The following PRRX1 variants were observed in gnomAD, a reference collection of about 807,000 sequenced individuals.
PRRX1 encodes the protein paired related homeobox 1.
Under a neutral mutation model 24.0 loss-of-function variants are expected in PRRX1, and 8 were observed. The ratio of observed to expected loss-of-function variants is 0.33; its 90% CI spans 0.20 to 0.60. PRRX1 has a LOEUF of 0.60. Ranked by LOEUF, PRRX1 falls within the 20% of genes least tolerant of loss-of-function variation. The probability of loss-of-function intolerance (pLI) is 0.82; values close to 1 mark genes in which losing one functional copy is unlikely to be tolerated. For missense variants in PRRX1, 281 were observed against 322.4 expected (o/e 0.87, Z 0.98); for synonymous variants, 160 against 131.7 (o/e 1.22, Z -1.47).
At chr1:170,687,976 C>G (rs76670772) in intron 1 of PRRX1, among the ~76,000 whole-genome samples, 3,487 of 151,942 alleles carry the variant, frequency 0.023, 147 homozygotes, top group African/African-American at 0.08. Context: ...AGAGAAGGAC[C>G]GGGAAAGAGA....
intron 1 of PRRX1, among the ~76,000 whole-genome samples, chr1:170,694,418 T>C (rs1333590124): frequency 1.3e-5 from 2 of 152,186 alleles, no homozygotes; most frequent in Non-Finnish European, 2.9e-5. Flanking sequence ...AAATGATTCT[T>C]ATGAAATTTA....
upstream of PRRX1, chr1:170,664,032 A>G (rs563216): frequency 1 from 621,738 of 621,748 alleles, 310,864 homozygotes; most frequent in Middle Eastern, 1. Flanking sequence ...GGGGTCCCCC[A>G]CCCTCTTTTC....
At chr1:170,674,217 C>T (rs1032532517) in intron 1 of PRRX1, among the ~76,000 whole-genome samples, 6 of 152,052 alleles carry the variant, frequency 3.9e-5, no homozygotes, top group East Asian at 1.9e-4. Flanking sequence ...CACACACACA[C>T]GTGTGCGCGC....
At chr1:170,673,137 A>T (rs1653199323) in intron 1 of PRRX1, among the ~76,000 whole-genome samples, 1 of 152,212 alleles carries the variant, frequency 6.6e-6, no homozygotes, top group South Asian at 2.1e-4. Flanking sequence ...GGGACTGGAT[A>T]TCATTCTGTT....
intron 1 of PRRX1, among the ~76,000 whole-genome samples, chr1:170,717,175 C>T (rs1304155464): frequency 6.6e-6 from 1 of 152,218 alleles, no homozygotes; most frequent in Non-Finnish European, 1.5e-5. Flanking sequence ...CAAGAACATT[C>T]ACTGGGAAAC....
intron 1 of PRRX1, among the ~76,000 whole-genome samples, chr1:170,670,102 A>C (rs1319685670): frequency 2.0e-5 from 3 of 152,204 alleles, no homozygotes; most frequent in Non-Finnish European, 4.4e-5. Context: ...ATAAGGGGCC[A>C]ACTCTCCGTG....
intron 1 of PRRX1, among the ~76,000 whole-genome samples, chr1:170,701,410 T>C (rs185176442): frequency 2.6e-5 from 4 of 152,328 alleles, no homozygotes; most frequent in Admixed American, 2.6e-4. Flanking sequence ...CTCTGAATTG[T>C]GATTTGTCAT....
intron 3 of PRRX1, chr1:170,727,353 T>C (rs1655289054): frequency 6.6e-6 from 1 of 152,168 alleles, no homozygotes; most frequent in Non-Finnish European, 1.5e-5. Context: ...AAAATATACC[T>C]GAGTACTCTG....
At chr1:170,688,678 T>G (rs928321829) in intron 1 of PRRX1, among the ~76,000 whole-genome samples, 1 of 152,116 alleles carries the variant, frequency 6.6e-6, no homozygotes, top group Non-Finnish European at 1.5e-5. Context: ...GCTTGCAAAG[T>G]AAAATAAATG....
intron 1 of PRRX1, among the ~76,000 whole-genome samples, chr1:170,675,183 C>A (rs116827819): frequency 2.2e-4 from 34 of 152,342 alleles, no homozygotes; most frequent in African/African-American, 7.9e-4. Context: ...ACATTTTCAG[C>A]AGTAAAGTCC....
intron 1 of PRRX1, among the ~76,000 whole-genome samples, chr1:170,695,388 G>A (rs879918691): frequency 3.9e-5 from 6 of 152,112 alleles, no homozygotes; most frequent in Admixed American, 3.3e-4. Flanking sequence ...CATACCTAAG[G>A]TTCAATCAGT....
intron 1 of PRRX1, among the ~76,000 whole-genome samples, chr1:170,711,287 T>C (rs1357042385): frequency 2.0e-5 from 3 of 152,230 alleles, no homozygotes; most frequent in Non-Finnish European, 2.9e-5. Flanking sequence ...TATCTCTTAC[T>C]GTGATGGAAA....
intron 1 of PRRX1, among the ~76,000 whole-genome samples, chr1:170,711,897 G>A (rs1306288627): frequency 1.3e-5 from 2 of 152,042 alleles, no homozygotes; most frequent in African/African-American, 4.8e-5. Context: ...CAGAACTTTG[G>A]TTTCTTCTTA....
chr1:170,694,034 C>T (rs1230145728), intron 1 of PRRX1, among the ~76,000 whole-genome samples: 1 of 151,834 alleles, frequency 6.6e-6, no homozygotes, highest in Non-Finnish European at 1.5e-5. Context: ...TGCAATTTTC[C>T]TGGAGGAAAG....
chr1:170,716,078 A>C (rs1654896891), intron 1 of PRRX1, among the ~76,000 whole-genome samples: 1 of 152,218 alleles, frequency 6.6e-6, no homozygotes, highest in Non-Finnish European at 1.5e-5. Context: ...TCTGTAAAAT[A>C]AGATGGTTGA....
intron 1 of PRRX1, among the ~76,000 whole-genome samples, chr1:170,674,182 C>CCTCT (rs144071005): frequency 3.3e-5 from 5 of 149,462 alleles, no homozygotes; most frequent in East Asian, 3.9e-4. Context: ...CTGCCTGATA[C>CCTCT]CTCTCTCTCT....
At chr1:170,716,919 G>T (rs1290644499) in intron 1 of PRRX1, among the ~76,000 whole-genome samples, 2 of 152,176 alleles carry the variant, frequency 1.3e-5, no homozygotes, top group Admixed American at 6.5e-5. Flanking sequence ...TGAAGATACT[G>T]TGCTGGGTCC....
At position 170,736,971 on chromosome 1, in the gene PRRX1, T is replaced by G. The variant is rs1655630939; in HGVS notation, c.*785T>G. 1.0e-5 allele frequency: 2 copies of G among 198,082 alleles called. No individual in the cohort carries two copies. The highest frequency in any genetic ancestry group is 2.1e-5 in the Non-Finnish European group (2 of 95,450). 12.3% of individuals were successfully genotyped at this position (198,082 alleles called of 1,614,324 possible). A position where few individuals can be genotyped will look rare whatever the true frequency, so the allele number is the denominator to read the frequency against. On this transcript the variant is annotated 3_prime_UTR_variant, in exon 4 of 4. Coordinates refer to ENST00000239461, the MANE Select transcript of PRRX1 (RefSeq NM_022716.4). Reference sequence around the variant, plus strand: ...TCAATCATCTTAAGTTAAAGATATTTGTTGTCTTTGAATGATTTGCTGTCA... The same window carrying G: ...TCAATCATCTTAAGTTAAAGATATTGGTTGTCTTTGAATGATTTGCTGTCA...
intron 1 of PRRX1, among the ~76,000 whole-genome samples, chr1:170,693,982 G>T (rs900724823): frequency 1.3e-5 from 2 of 151,864 alleles, no homozygotes; most frequent in African/African-American, 2.4e-5. Context: ...ACCACACAGA[G>T]ATTCCATGAA....
Sources: gnomAD v4.1 joint callset for allele counts (sites outside exome capture counted in the v4.1 genomes callset) on GRCh38, gnomAD v4.1.1 for gene constraint, MANE v1.5 for transcripts, NCBI Gene and HGNC (gene_info 2026-07-23, HGNC 2026-07-21) for gene names.